Variants in DELE1 observed in about 807,000 individuals in gnomAD.
The protein encoded by DELE1 is DAP3 binding cell death enhancer 1.
Under a neutral mutation model 59.3 loss-of-function variants are expected in DELE1, and 54 were observed. That is an observed-to-expected ratio of 0.91 (90% CI 0.73 to 1.14). The LOEUF is 1.14. Among genes scored for constraint, DELE1 ranks in the 50% most tolerant of loss-of-function variants. The probability of loss-of-function intolerance (pLI) is 0.00; values close to 1 mark genes in which losing one functional copy is unlikely to be tolerated. For missense variants in DELE1, 636 were observed against 643.9 expected (o/e 0.99, Z 0.13); for synonymous variants, 264 against 259.1 (o/e 1.02, Z -0.18).
chr5:141,929,926 G>A, intron 5 of DELE1, 63 bp from the exon 6 acceptor site: 1 of 1,553,946 alleles, frequency 6.4e-7, no homozygotes, highest in Non-Finnish European at 8.9e-7. Flanking sequence ...GACTGGGAGA[G>A]TCGGAGAAAA....
chr5:141,931,334 A>G, intron 7 of DELE1: 1 of 152,328 alleles, frequency 6.6e-6, no homozygotes, highest in Non-Finnish European at 1.5e-5. Context: ...AGATAAAGCC[A>G]GAAAAGCAGG....
At position 141,940,572 on chromosome 5, in the gene DELE1, G is replaced by A; in HGVS notation, c.*1813G>A. 1.0e-6 allele frequency: 1 copy of A among 985,458 alleles called. No homozygotes were observed. The highest frequency in any genetic ancestry group is 1.2e-6 in the Non-Finnish European group (1 of 829,974). The allele number at this position is 985,458 out of a possible 1,614,324, so 61.0% of individuals were successfully genotyped here. A position where few individuals can be genotyped will look rare whatever the true frequency, so the allele number is the denominator to read the frequency against. ...CCCCATCTCTCTCAACTTCTTAGTGGTCCTGCCATACTTTCCTAGCACCTC... is the reference window on the plus strand; with the variant it reads ...CCCCATCTCTCTCAACTTCTTAGTGATCCTGCCATACTTTCCTAGCACCTC... On this transcript the variant is annotated 3_prime_UTR_variant, in exon 12 of 12. Coordinates refer to ENST00000432126, the MANE Select transcript of DELE1 (RefSeq NM_014773.5).
chr5:141,930,136 G>A (rs1470237318), intron 6 of DELE1, 42 bp from the exon 7 acceptor site: 2 of 1,607,874 alleles, frequency 1.2e-6, no homozygotes, highest in Admixed American at 3.3e-5. Flanking sequence ...TGGCAATCCT[G>A]GTAAACCATC....
chr5:141,937,345 A>G lies in DELE1; in HGVS notation c.1297A>G (p.Met433Val), dbSNP rs1218873473. The G allele has an allele frequency of 1.2e-6, 2 of 1,613,892 alleles. No homozygotes were observed. Among genetic ancestry groups the G allele is most frequent in the East Asian group, 2.2e-5 (1 of 44,872 alleles). ...GGAGAGGCTGCGAGCCCTCTTTTCC[A>G]TGGGGGCTGCAGGTACAGACCCAAG... ...AQERLRALFSMGAAAPGPSDL... is the reference protein window; with the variant it reads ...AQERLRALFSVGAAAPGPSDL... Residue 433 changes from methionine (M) to valine (V), a missense_variant, in exon 11 of 12, where the codon ATG (methionine) becomes GTG (valine). Physicochemically the swap from Met to Val is conservative, Grantham distance 21 (BLOSUM62 1). Coordinates refer to ENST00000432126, the MANE Select transcript of DELE1 (RefSeq NM_014773.5).
intron 5 of DELE1, 31 bp from the exon 6 acceptor site, chr5:141,929,958 C>T: frequency 6.2e-7 from 1 of 1,601,682 alleles, no homozygotes; most frequent in Non-Finnish European, 8.6e-7. Context: ...TTCTCCTTTG[C>T]CCTGGCCGGG....
chr5:141,931,739 A>G (rs974432094), intron 7 of DELE1, among the ~76,000 whole-genome samples: 1 of 152,126 alleles, frequency 6.6e-6, no homozygotes, highest in African/African-American at 2.4e-5. Flanking sequence ...CTGGACAGTG[A>G]GTTTTCAGGC....
At chr5:141,937,418 A>T in intron 11 of DELE1, 61 bp downstream of exon 11, 1 of 1,575,170 alleles carries the variant, frequency 6.3e-7, no homozygotes. Flanking sequence ...TGTGACAGAT[A>T]AGTAGGTAGC....
Position 141,941,611 on chromosome 5 carries a change from CAG to C in DELE1, c.*2853_*2854del. 2.0e-6 allele frequency: 2 copies of C among 985,446 alleles called. No individual in the cohort carries two copies. The highest frequency in any genetic ancestry group is 2.4e-6 in the Non-Finnish European group (2 of 829,988). The allele number at this position is 985,446 out of a possible 1,614,324, so 61.0% of individuals were successfully genotyped here. ...TCCCATCAGCAGGGCCAGCCTGGGTCAGGATGCTGGGTTAAAGCCCGGCGCCC... is the reference window on the plus strand; with the variant it reads ...TCCCATCAGCAGGGCCAGCCTGGGTCGATGCTGGGTTAAAGCCCGGCGCCC... On this transcript the variant is annotated 3_prime_UTR_variant, in exon 12 of 12. Transcript: ENST00000432126.
Position 141,939,454 on chromosome 5 carries a change from G to A in DELE1, c.*695G>A, listed in dbSNP as rs142671223. The A allele has an allele frequency of 1.0e-6, 1 of 985,816 alleles. No homozygotes were observed. Among genetic ancestry groups the A allele is most frequent in the Non-Finnish European group, 1.2e-6 (1 of 829,916 alleles). 61.1% of individuals were successfully genotyped at this position (985,816 alleles called of 1,614,324 possible). ...CGAGACTAGCCCACCATTCACCTCTGTTCATCCCCCGTGGGCTCATAATCG... is the reference window on the plus strand; with the variant it reads ...CGAGACTAGCCCACCATTCACCTCTATTCATCCCCCGTGGGCTCATAATCG... On this transcript the variant is annotated 3_prime_UTR_variant, in exon 12 of 12. Transcript: ENST00000432126.
intron 10 of DELE1, among the ~76,000 whole-genome samples, chr5:141,936,632 A>G (rs762523770): frequency 1.3e-5 from 2 of 152,044 alleles, no homozygotes; most frequent in African/African-American, 4.8e-5. Flanking sequence ...ACGGGGTTTC[A>G]CTATGTTGGG....
chr5:141,932,095 A>G (rs72796022), intron 7 of DELE1, among the ~76,000 whole-genome samples: 3,833 of 152,298 alleles, frequency 0.025, 79 homozygotes, highest in Non-Finnish European at 0.036. Context: ...GGCTTGGTAT[A>G]TTAAGTAAGT....
rs544207707 is a variant in DELE1, at chr5:141,928,822, C to T, written c.412+524C>T. 3.3e-4 allele frequency among the ~76,000 whole-genome samples: 50 copies of T among 149,528 alleles called. 1 individual carries two copies. The highest frequency in any genetic ancestry group is 5.4e-4 in the Non-Finnish European group (37 of 68,016). ...TAAATTGGGGTAATAATAAAACCCA[C>T]CCCATAGGTTTCTTGGGAGGACTAA... On this transcript the variant is annotated intron_variant, in intron 4 of 11. Transcript: ENST00000432126.
Position 141,934,111 on chromosome 5 carries a change from ATCTGAATTT to A in DELE1, c.898-123_898-115del, listed in dbSNP as rs200611675. ...GGTTTATATTTTTAAATTTTAGCTT[ATCTGAATTT>A]TCTGACTAGTCTATAATTATTATGT... On this transcript the variant is annotated intron_variant, in intron 8 of 11. Transcript: ENST00000432126. The A allele has an allele frequency of 4.3e-4, 312 of 717,940 alleles. 1 individual carries two copies. The East Asian group carries it at 8.5e-3, about 19-fold the overall frequency. 44.5% of individuals were successfully genotyped at this position (717,940 alleles called of 1,614,324 possible). A position where few individuals can be genotyped will look rare whatever the true frequency, so the allele number is the denominator to read the frequency against.
chr5:141,932,390 G>A (rs1485626497), intron 7 of DELE1, among the ~76,000 whole-genome samples: 8 of 152,152 alleles, frequency 5.3e-5, no homozygotes, highest in Non-Finnish European at 1.2e-4. Context: ...AGTATCACTT[G>A]TATCAGTTAG....
At position 141,938,693 on chromosome 5, in the gene DELE1, C is replaced by T; in HGVS notation, c.1482C>T (p.Ser494=). 1 of 1,614,158 alleles carries T rather than the reference C, an allele frequency of 6.2e-7. No homozygotes were observed. Among genetic ancestry groups the T allele is most frequent in the Non-Finnish European group, 8.5e-7 (1 of 1,180,030 alleles). The part of the protein sequence containing the change: ...SGHLGASLEA[S]SRAIPPHPYP... ...ATCTCGGAGCCAGCCTGGAAGCCTC[C>T]AGCAGGGCTATTCCCCCACACCCCT... Residue 494 remains serine (S), a synonymous_variant, in exon 12 of 12, where the codon TCC becomes TCT. Coordinates refer to ENST00000432126, the MANE Select transcript of DELE1 (RefSeq NM_014773.5).
chr5:141,925,562 T>C (rs549501732), intron 3 of DELE1, 35 bp downstream of exon 3: 1 of 1,388,048 alleles, frequency 7.2e-7, no homozygotes, highest in South Asian at 1.3e-5. Flanking sequence ...TGACCTTCAG[T>C]GTAGATGAGA....
chr5:141,928,193 C>T lies in DELE1; in HGVS notation c.307C>T (p.His103Tyr), dbSNP rs756284192. Residue 103 changes from histidine to tyrosine, a missense_variant, in exon 4 of 12, where the codon CAC (histidine) becomes TAC (tyrosine). By Grantham distance (83) the His-to-Tyr change is moderately conservative. Transcript: ENST00000432126. ...VLALQLARQI[H>Y]FQASLPAGPQ... ...GGCCCTGCAGCTGGCAAGGCAGATC[C>T]ACTTCCAGGCATCCCTGCCAGCAGG... The T allele has an allele frequency of 3.1e-6, 5 of 1,614,214 alleles. No homozygotes were observed. The Admixed American group carries it at 8.3e-5, about 27-fold the overall frequency.
At chr5:141,925,638 C>T in intron 3 of DELE1, 111 bp downstream of exon 3, 1 of 586,242 alleles carries the variant, frequency 1.7e-6, no homozygotes, top group Admixed American at 3.1e-5. Context: ...GTCCATTTAA[C>T]AAGTAACCCA....
Position 141,928,377 on chromosome 5 carries a change from G to A in DELE1, c.412+79G>A, listed in dbSNP as rs1465414111. On this transcript the variant is annotated intron_variant, in intron 4 of 11. Coordinates refer to ENST00000432126, the MANE Select transcript of DELE1 (RefSeq NM_014773.5). ...AGGAAGCGTCTCTGGACACACCTCA[G>A]GAAAAGAGCCATCAGCAGCTCCTTG... 7 of 1,478,676 alleles carry A rather than the reference G, an allele frequency of 4.7e-6. No homozygotes were observed. The African/African-American group carries it at 8.5e-5, about 18-fold the overall frequency. The allele number at this position is 1,478,676 out of a possible 1,614,324, so 91.6% of individuals were successfully genotyped here.
Sources: gnomAD v4.1 joint callset for allele counts (sites outside exome capture counted in the v4.1 genomes callset) on GRCh38, gnomAD v4.1.1 for gene constraint, MANE v1.5 for transcripts, NCBI Gene and HGNC (gene_info 2026-07-23, HGNC 2026-07-21) for gene names.